Variants in PCDHA4 observed in about 807,000 individuals in gnomAD.
PCDHA4 encodes the protein protocadherin alpha 4.
PCDHA4 carries 49 observed loss-of-function variants against 61.4 expected under a neutral mutation model. That is an observed-to-expected ratio of 0.80 (90% CI 0.63 to 1.01). The LOEUF (loss-of-function observed/expected upper bound fraction) is 1.01, where lower values mean the gene tolerates loss of function less well. PCDHA4 is among the 50% of genes least tolerant of loss of function. The pLI, the probability that PCDHA4 is intolerant of heterozygous loss-of-function variation, is 0.00. For missense variants in PCDHA4, 1,254 were observed against 1,235.8 expected (o/e 1.01, Z -0.22); for synonymous variants, 590 against 550.3 (o/e 1.07, Z -1.01).
In PCDHA4 at chr5:140,807,700, A is replaced by C; in HGVS notation, c.513A>C (p.Arg171Ser). ...GGGAGAACGCCCTGCTCACTTACAG[A>C]CTGAGCCCAAATGAATACTTTTCTC... ...DIGENALLTY[R>S]LSPNEYFSLE... The change falls in exon 1 of 4, where the codon AGA becomes AGC. Residue 171 changes from arginine to serine, a missense_variant. Coordinates refer to ENST00000530339, the MANE Select transcript of PCDHA4 (RefSeq NM_018907.4). The C allele has an allele frequency of 1.2e-6, 2 of 1,614,208 alleles. No homozygotes were observed. Among genetic ancestry groups the C allele is most frequent in the Non-Finnish European group, 1.7e-6 (2 of 1,180,038 alleles).
intron 1 of PCDHA4, among the ~76,000 whole-genome samples, chr5:140,839,564 A>G (rs1022295415): frequency 3.3e-5 from 5 of 151,854 alleles, no homozygotes; most frequent in African/African-American, 9.7e-5. Flanking sequence ...TAATTTTTGT[A>G]TTTTTTGTAG....
chr5:140,807,760 T>C lies in PCDHA4; in HGVS notation c.573T>C (p.Gly191=), dbSNP rs782195292. The C allele has an allele frequency of 1.9e-6, 3 of 1,614,028 alleles. No individual in the cohort carries two copies. The highest frequency in any genetic ancestry group is 2.5e-6 in the Non-Finnish European group (3 of 1,179,980). The change falls in exon 1 of 4, where the codon GGT becomes GGC. Residue 191 remains glycine, a synonymous_variant. Transcript: ENST00000530339. ...EKPPDDELVK[G]LGLILRKSLD... ...CACCTGATGACGAGCTGGTAAAAGG[T>C]CTTGGGCTTATATTACGGAAATCTT... is the stretch of plus-strand genomic sequence containing the variant.
chr5:140,883,449 C>G lies in PCDHA4; in HGVS notation c.2385+73877C>G, dbSNP rs782030208. The G allele has an allele frequency of 6.8e-6, 11 of 1,614,058 alleles. No homozygotes were observed. The Admixed American group carries it at 1.8e-4, about 27-fold the overall frequency. On this transcript the variant is annotated intron_variant, in intron 1 of 3. Coordinates refer to ENST00000530339, the MANE Select transcript of PCDHA4 (RefSeq NM_018907.4). Reference sequence around the variant, plus strand: ...ACCTGCACCTTGACGCCGCATGTCCCCTTCAAGCTGGTGTCCACCTACAAG... The same window carrying G: ...ACCTGCACCTTGACGCCGCATGTCCGCTTCAAGCTGGTGTCCACCTACAAG...
intron 1 of PCDHA4, among the ~76,000 whole-genome samples, chr5:140,827,548 A>G (rs1562291088): frequency 1.3e-5 from 2 of 152,142 alleles, no homozygotes; most frequent in African/African-American, 2.4e-5. Context: ...TTTAAGTTAC[A>G]TTTTTTCCCT....
At chr5:140,828,232 G>A in intron 1 of PCDHA4, 1 of 1,613,964 alleles carries the variant, frequency 6.2e-7, no homozygotes, top group Non-Finnish European at 8.5e-7. Context: ...TCGTGGGCCG[G>A]ATCGCGCAGG....
chr5:140,829,492 C>T, intron 1 of PCDHA4: 4 of 1,613,696 alleles, frequency 2.5e-6, no homozygotes, highest in Middle Eastern at 1.7e-4. Flanking sequence ...TGAAGGAGAA[C>T]AACCCGCCGG....
At chr5:140,944,188 T>A (rs184996) in intron 1 of PCDHA4, among the ~76,000 whole-genome samples, 85,693 of 151,800 alleles carry the variant, frequency 0.56, 24,784 homozygotes, top group African/African-American at 0.69. Context: ...GTTGGTTTGT[T>A]TTGTTTTGTT....
intron 1 of PCDHA4, chr5:140,875,557 G>C: frequency 5.6e-6 from 9 of 1,614,064 alleles, no homozygotes; most frequent in Non-Finnish European, 7.6e-6. Flanking sequence ...GGTGGGGAGC[G>C]GCCAGCTCCA....
At position 140,811,987 on chromosome 5, in the gene PCDHA4, T is replaced by C. The variant is rs146475516; in HGVS notation, c.2385+2415T>C. 1.7e-3 allele frequency: 218 copies of C among 130,412 alleles called. 1 individual carries two copies. Among genetic ancestry groups the C allele is most frequent in the African/African-American group, 6.4e-3 (204 of 32,038 alleles). The allele number at this position is 130,412 out of a possible 1,614,324, so 8.1% of individuals were successfully genotyped here. A position where few individuals can be genotyped will look rare whatever the true frequency, so the allele number is the denominator to read the frequency against. Reference sequence around the variant, plus strand: ...CTGATTGTAGTTTCTTTTGAAGATTTATTTTTTACTACCATTTTTTTGTTG... The same window carrying C: ...CTGATTGTAGTTTCTTTTGAAGATTCATTTTTTACTACCATTTTTTTGTTG... On this transcript the variant is annotated intron_variant, in intron 1 of 3. Coordinates refer to ENST00000530339, the MANE Select transcript of PCDHA4 (RefSeq NM_018907.4).
intron 1 of PCDHA4, among the ~76,000 whole-genome samples, chr5:140,886,827 G>GAAA (rs782016620): frequency 3.3e-5 from 2 of 60,922 alleles, no homozygotes; most frequent in Non-Finnish European, 6.7e-5. Flanking sequence ...ACTTCGTCTT[G>GAAA]AAAAAAAAAA....
At chr5:140,999,933 A>T (rs1554257043) in intron 3 of PCDHA4, among the ~76,000 whole-genome samples, 1 of 152,124 alleles carries the variant, frequency 6.6e-6, no homozygotes, top group African/African-American at 2.4e-5. Context: ...AGCTCAACTC[A>T]TTCCACCCAA....
chr5:140,937,653 C>G (rs930742748), intron 1 of PCDHA4, among the ~76,000 whole-genome samples: 1 of 151,298 alleles, frequency 6.6e-6, no homozygotes, highest in Non-Finnish European at 1.5e-5. Context: ...TGGCTCACGC[C>G]TGTAATCCCA....
At chr5:140,916,832 G>A (rs1286597127) in intron 1 of PCDHA4, among the ~76,000 whole-genome samples, 3 of 152,104 alleles carry the variant, frequency 2.0e-5, no homozygotes, top group East Asian at 1.9e-4. Context: ...TATCCCTCTG[G>A]TTCTGAGCCC....
At chr5:140,826,204 T>G (rs1396641472) in intron 1 of PCDHA4, among the ~76,000 whole-genome samples, 2 of 152,236 alleles carry the variant, frequency 1.3e-5, no homozygotes, top group South Asian at 4.1e-4. Context: ...ATGGTCACAT[T>G]TTAAAAAATC....
At chr5:140,855,899 C>A in intron 1 of PCDHA4, 1 of 1,074,020 alleles carries the variant, frequency 9.3e-7, no homozygotes, top group Non-Finnish European at 1.3e-6. Flanking sequence ...AAGGCATCAG[C>A]CAGTTTCTCA....
intron 1 of PCDHA4, among the ~76,000 whole-genome samples, chr5:140,960,597 C>G (rs1315375637): frequency 1.3e-5 from 2 of 152,092 alleles, no homozygotes; most frequent in Non-Finnish European, 2.9e-5. Flanking sequence ...ATTCAAGGTA[C>G]TTCAACAATA....
chr5:140,823,262 G>T lies in PCDHA4; in HGVS notation c.2385+13690G>T, dbSNP rs2150124059. ...CTGGTGTCCTACTCGCTGGTGGAGC[G>T]GCGGGTGGGCGAGCGCCCGCTGTCG... On this transcript the variant is annotated intron_variant, in intron 1 of 3. Transcript: ENST00000530339. 4.2e-5 allele frequency: 67 copies of T among 1,612,822 alleles called. No homozygotes were observed. Among genetic ancestry groups the T allele is most frequent in the Non-Finnish European group, 5.3e-5 (63 of 1,179,778 alleles).
intron 1 of PCDHA4, chr5:140,875,958 C>T (rs1312300687): frequency 1.2e-6 from 2 of 1,613,962 alleles, no homozygotes; most frequent in Admixed American, 3.3e-5. Context: ...ATGCGGATAT[C>T]GGCGTAAACT....
intron 1 of PCDHA4, among the ~76,000 whole-genome samples, chr5:140,820,807 A>C (rs1766834468): frequency 6.6e-6 from 1 of 152,128 alleles, no homozygotes; most frequent in African/African-American, 2.4e-5. Flanking sequence ...TGTATTTTAC[A>C]ATTTTTAATA....
Sources: allele counts gnomAD v4.1 joint callset (sites outside exome capture counted in the v4.1 genomes callset), GRCh38; gene constraint gnomAD v4.1.1; transcripts MANE v1.5; gene names NCBI Gene and HGNC (gene_info 2026-07-23, HGNC 2026-07-21).